The following PTPRT variants were observed in gnomAD, a reference collection of about 807,000 sequenced individuals.
PTPRT encodes protein tyrosine phosphatase receptor type T.
PTPRT carries 56 observed loss-of-function variants against 176.8 expected under a neutral mutation model. The observed-to-expected ratio is 0.32, with a 90% CI of 0.26 to 0.40. The LOEUF (loss-of-function observed/expected upper bound fraction) is 0.40. Ranked by LOEUF, PTPRT falls within the 10% of genes least tolerant of loss-of-function variation. PTPRT has a pLI of 1.00. For missense variants in PTPRT, 1,540 were observed against 1,908.2 expected, an observed-to-expected ratio of 0.81 and a Z score of 3.60; for synonymous variants, 783 against 739.0, an observed-to-expected ratio of 1.06 and a Z score of -0.96.
At chr20:42,921,056 G>C (rs1979116148) in intron 1 of PTPRT, among the ~76,000 whole-genome samples, 1 of 152,194 alleles carries the variant, frequency 6.6e-6, no homozygotes, top group African/African-American at 2.4e-5. Context: ...ATGATGAAAT[G>C]TTAAGTGAGG....
intron 17 of PTPRT, among the ~76,000 whole-genome samples, chr20:42,153,557 A>C (rs1431253160): frequency 6.6e-6 from 1 of 152,226 alleles, no homozygotes; most frequent in Non-Finnish European, 1.5e-5. Context: ...CAATATTGTA[A>C]GTAGAACAAT....
chr20:42,346,653 T>G (rs1600866648), intron 11 of PTPRT, among the ~76,000 whole-genome samples: 1 of 152,148 alleles, frequency 6.6e-6, no homozygotes. Flanking sequence ...CTCGCCCCCC[T>G]GCACACTCAG....
At chr20:42,883,064 G>C (rs1401451668) in intron 2 of PTPRT, among the ~76,000 whole-genome samples, 1 of 152,204 alleles carries the variant, frequency 6.6e-6, no homozygotes, top group Non-Finnish European at 1.5e-5. Context: ...CAGAGCTTTG[G>C]AGACCACAAC....
At chr20:42,180,326 C>G (rs1990464687) in intron 16 of PTPRT, among the ~76,000 whole-genome samples, 1 of 152,202 alleles carries the variant, frequency 6.6e-6, no homozygotes, top group South Asian at 2.1e-4. Flanking sequence ...AATAGAGACA[C>G]TCTTTCCTGA....
chr20:42,632,163 G>C (rs555583204), intron 7 of PTPRT, among the ~76,000 whole-genome samples: 1 of 152,266 alleles, frequency 6.6e-6, no homozygotes, highest in African/African-American at 2.4e-5. Context: ...CACTGTTGCT[G>C]AGAGGATGAA....
intron 7 of PTPRT, among the ~76,000 whole-genome samples, chr20:42,593,391 C>T (rs2073614135): frequency 6.6e-6 from 1 of 152,196 alleles, no homozygotes; most frequent in Non-Finnish European, 1.5e-5. Context: ...CCTGTCTGCC[C>T]TCTCAGTCAC....
chr20:42,118,623 G>T, intron 20 of PTPRT, 123 bp from the exon 21 acceptor site: 2 of 644,640 alleles, frequency 3.1e-6, no homozygotes, highest in African/African-American at 1.8e-5. Flanking sequence ...GGTGATCCTT[G>T]TTAAGACACC....
At chr20:42,669,295 G>A (rs2075373800) in intron 7 of PTPRT, among the ~76,000 whole-genome samples, 1 of 152,032 alleles carries the variant, frequency 6.6e-6, no homozygotes, top group Admixed American at 6.5e-5. Flanking sequence ...AGCATGGTGT[G>A]GCATGCATGA....
chr20:42,506,509 T>G (rs1224328558), intron 7 of PTPRT, among the ~76,000 whole-genome samples: 1 of 152,152 alleles, frequency 6.6e-6, no homozygotes, highest in African/African-American at 2.4e-5. Context: ...CTTTAATCCC[T>G]TTGTCCAAGG....
At chr20:43,018,799 T>G (rs1421734407) in intron 1 of PTPRT, among the ~76,000 whole-genome samples, 1 of 152,198 alleles carries the variant, frequency 6.6e-6, no homozygotes, top group Non-Finnish European at 1.5e-5. Context: ...TGATACACCT[T>G]TTTTTCACAT....
At chr20:42,422,910 T>C (rs2059131865) in intron 9 of PTPRT, among the ~76,000 whole-genome samples, 1 of 151,930 alleles carries the variant, frequency 6.6e-6, no homozygotes, top group South Asian at 2.1e-4. Flanking sequence ...CAGATGGCGG[T>C]GGAGGCCATT....
In PTPRT at chr20:43,016,552, C is replaced by CTTTTTTTTTTTTTTTTTT. The variant is rs11482189; in HGVS notation, c.89-130638_89-130621dup. 3.5e-4 allele frequency among the ~76,000 whole-genome samples: 27 copies of CTTTTTTTTTTTTTTTTTT among 76,236 alleles called. 4 individuals are homozygous for CTTTTTTTTTTTTTTTTTT. The highest frequency in any genetic ancestry group is 1.8e-3 in the African/African-American group (26 of 14,284). 50.0% of individuals were successfully genotyped at this position (76,236 alleles called of 152,430 possible). Reference sequence around the variant, plus strand: ...CATTTCTCTAACTGCTCTAAGGCCACTTTTTTTTTTTTTTTTTTTTTTTTT... The same window carrying CTTTTTTTTTTTTTTTTTT: ...CATTTCTCTAACTGCTCTAAGGCCACTTTTTTTTTTTTTTTTTTTTTTTTTTTTTTTTTTTTTTTTTTT... On this transcript the variant is annotated intron_variant, in intron 1 of 30. Coordinates refer to ENST00000373187, the MANE Select transcript of PTPRT (RefSeq NM_007050.6).
intron 7 of PTPRT, among the ~76,000 whole-genome samples, chr20:42,546,714 G>A (rs183200650): frequency 2.0e-5 from 3 of 152,276 alleles, no homozygotes; most frequent in East Asian, 3.9e-4. Flanking sequence ...AGAAGCCATC[G>A]TAGGGTAATT....
intron 1 of PTPRT, among the ~76,000 whole-genome samples, chr20:42,938,935 A>C (rs1980376453): frequency 1.3e-5 from 2 of 152,358 alleles, no homozygotes; most frequent in Non-Finnish European, 1.5e-5. Context: ...TAATAACTTC[A>C]CAGGTCTAAC....
chr20:42,084,973 C>T (rs531420297), intron 28 of PTPRT, 128 bp from the exon 29 acceptor site: 233 of 702,706 alleles, frequency 3.3e-4, no homozygotes, highest in African/African-American at 2.8e-3. Flanking sequence ...CATGTCCTCA[C>T]GGGGAGAGTC....
chr20:42,881,574 A>C (rs1188765587), intron 2 of PTPRT, among the ~76,000 whole-genome samples: 2 of 152,024 alleles, frequency 1.3e-5, no homozygotes, highest in Non-Finnish European at 2.9e-5. Context: ...AAAATACAAA[A>C]GTTAGCCAGG....
intron 7 of PTPRT, among the ~76,000 whole-genome samples, chr20:42,581,530 TAAAA>T (rs11468207): frequency 3.7e-5 from 5 of 133,676 alleles, no homozygotes; most frequent in Admixed American, 7.3e-5. Flanking sequence ...GGTGGCTGCA[TAAAA>T]AAAAAAAAAA....
At chr20:43,094,091 C>CTTT (rs11478226) in intron 1 of PTPRT, among the ~76,000 whole-genome samples, 2 of 130,702 alleles carry the variant, frequency 1.5e-5, no homozygotes, top group Non-Finnish European at 3.2e-5. Flanking sequence ...TTCTTTCTTT[C>CTTT]TTTTTTTTTT....
chr20:42,310,521 C>G (rs555773023), intron 12 of PTPRT, among the ~76,000 whole-genome samples: 1 of 152,230 alleles, frequency 6.6e-6, no homozygotes, highest in Non-Finnish European at 1.5e-5. Context: ...AAAGCTTTAA[C>G]AATTTTACCT....
Sources: gnomAD v4.1 joint callset for allele counts (sites outside exome capture counted in the v4.1 genomes callset) on GRCh38, gnomAD v4.1.1 for gene constraint, MANE v1.5 for transcripts, NCBI Gene and HGNC (gene_info 2026-07-23, HGNC 2026-07-21) for gene names.